MIEF2: variants seen among roughly 807,000 people sequenced by gnomAD.
The protein encoded by MIEF2 is mitochondrial dynamics protein MID49.
A neutral mutation model predicts 7.4 loss-of-function variants in MIEF2; 1 was observed. That is an observed-to-expected ratio of 0.14 (90% confidence interval 0.05 to 0.64). The LOEUF (loss-of-function observed/expected upper bound fraction) is 0.64, where lower values mean the gene tolerates loss of function less well. Ranked by LOEUF, MIEF2 falls within the 30% of genes least tolerant of loss-of-function variation. The probability of loss-of-function intolerance (pLI) is 0.85; values close to 1 mark genes in which losing one functional copy is unlikely to be tolerated. For missense variants in MIEF2, 569 were observed against 623.9 expected (o/e 0.91, Z 0.94); for synonymous variants, 275 against 290.5 (o/e 0.95, Z 0.54).
chr17:18,264,371 G>C lies in MIEF2; in HGVS notation c.972G>C (p.Gly324=), dbSNP rs1291633175. The C allele has an allele frequency of 6.2e-7, 1 of 1,603,088 alleles. No individual in the cohort carries two copies. Among genetic ancestry groups the C allele is most frequent in the Non-Finnish European group, 8.5e-7 (1 of 1,179,806 alleles). ...TCCTCTTGGCCTGGCCCCTGGAGGG[G>C]CTGGCGGGGAACCTCTGGCTGCAGG... ...DRLLLAWPLE[G]LAGNLWLQDL... is the part of the protein sequence containing the mutation. The change falls in exon 4 of 4, where the codon GGG becomes GGC. Residue 324 remains glycine (G), a synonymous_variant. Transcript: ENST00000323019.
chr17:18,263,747 G>T lies in MIEF2; in HGVS notation c.348G>T (p.Gln116His). ...PAETDPEVTP[Q>H]LSSPAPLCLT... ...AAACTGATCCTGAGGTGACACCACA[G>T]CTCAGCTCCCCAGCACCGCTGTGTC... The change falls in exon 4 of 4, where the codon CAG (glutamine) becomes CAT (histidine). Residue 116 changes from glutamine (Q) to histidine (H), a missense_variant. Coordinates refer to ENST00000323019, the MANE Select transcript of MIEF2 (RefSeq NM_139162.4). The T allele has an allele frequency of 6.2e-7, 1 of 1,600,090 alleles. No homozygotes were observed.
chr17:18,260,835 C>T (rs1253890459), intron 1 of MIEF2, 98 bp downstream of exon 1: 4 of 450,416 alleles, frequency 8.9e-6, no homozygotes, highest in Non-Finnish European at 1.6e-5. Flanking sequence ...GCGATCACCG[C>T]TGGGGAAGGC....
chr17:18,264,011 G>C lies in MIEF2; in HGVS notation c.612G>C (p.Pro204=). Residue 204 remains proline, a synonymous_variant, in exon 4 of 4, where the codon CCG becomes CCC. Transcript: ENST00000323019. Reference sequence around the variant, plus strand: ...TCCTGGTGCCACTGGTGCTGGAGCCGGGCCTGTGGAGCCTGGTGCCGGGCG... The same window carrying C: ...TCCTGGTGCCACTGGTGCTGGAGCCCGGCCTGTGGAGCCTGGTGCCGGGCG... ...VRLLVPLVLE[P]GLWSLVPGVD... 1.3e-6 allele frequency: 2 copies of C among 1,562,998 alleles called. No homozygotes were observed. The highest frequency in any genetic ancestry group is 1.7e-6 in the Non-Finnish European group (2 of 1,157,386).
chr17:18,263,910 C>T lies in MIEF2; in HGVS notation c.511C>T (p.Leu171=). 6.2e-7 allele frequency: 1 copy of T among 1,601,230 alleles called. No individual in the cohort carries two copies. The change falls in exon 4 of 4, where the codon CTG becomes TTG. Residue 171 remains leucine (L), a synonymous_variant. Coordinates refer to ENST00000323019, the MANE Select transcript of MIEF2 (RefSeq NM_139162.4). ...CTACTTTCGGAGCAAGTTCCCGGAA[C>T]TGCCCTTTGGGGCATTCGTGCCTGG... The part of the protein sequence containing the change: ...QAYFRSKFPE[L]PFGAFVPGGP...
At chr17:18,262,173 C>G (rs1453899152) in intron 1 of MIEF2, among the ~76,000 whole-genome samples, 2 of 152,174 alleles carry the variant, frequency 1.3e-5, no homozygotes, top group African/African-American at 4.8e-5. Context: ...GGGCACCTGG[C>G]ACAGGGAGAA....
At chr17:18,261,647 C>A (rs1042228583) in intron 1 of MIEF2, among the ~76,000 whole-genome samples, 9 of 152,220 alleles carry the variant, frequency 5.9e-5, no homozygotes, top group African/African-American at 2.2e-4. Flanking sequence ...GCCTCCACTT[C>A]CCAAGTGCTG....
intron 2 of MIEF2, 37 bp downstream of exon 2, chr17:18,262,904 AGAG>A (rs1978493173): frequency 2.0e-6 from 3 of 1,527,804 alleles, no homozygotes; most frequent in Admixed American, 2.1e-5. Flanking sequence ...TGAAGCTCCT[AGAG>A]GAGGACAACA....
Position 18,264,836 on chromosome 17 carries a change from G to C in MIEF2, c.*72G>C. 1 of 1,522,524 alleles carries C rather than the reference G, an allele frequency of 6.6e-7. No individual in the cohort carries two copies. Among genetic ancestry groups the C allele is most frequent in the Non-Finnish European group, 8.8e-7 (1 of 1,135,938 alleles). 94.3% of individuals were successfully genotyped at this position (1,522,524 alleles called of 1,614,324 possible). ...GCACCCACCTCCCTTCCAGGGATTT[G>C]AATAGTGGTTTTTCTCTAGCTTTTT... On this transcript the variant is annotated 3_prime_UTR_variant, in exon 4 of 4. Coordinates refer to ENST00000323019, the MANE Select transcript of MIEF2 (RefSeq NM_139162.4).
intron 3 of MIEF2, 152 bp from the exon 4 acceptor site, chr17:18,263,558 C>G: frequency 3.7e-6 from 4 of 1,093,178 alleles, no homozygotes; most frequent in Non-Finnish European, 5.1e-6. Flanking sequence ...CAAGAGCTCA[C>G]TATATGTGAG....
Position 18,264,582 on chromosome 17 carries a change from G to A in MIEF2, c.1183G>A (p.Glu395Lys). 1 of 1,610,958 alleles carries A rather than the reference G, an allele frequency of 6.2e-7. No individual in the cohort carries two copies. Among genetic ancestry groups the A allele is most frequent in the Admixed American group, 1.7e-5 (1 of 60,026 alleles). ...GGAGGACAACGTGGATTGGACGGAGGAGGCCTTGGGTGAGCGCTTCCTGCA... is the reference window on the plus strand; with the variant it reads ...GGAGGACAACGTGGATTGGACGGAGAAGGCCTTGGGTGAGCGCTTCCTGCA... ...LGEDNVDWTE[E>K]ALGERFLQAL... Residue 395 changes from glutamate (E) to lysine (K), a missense_variant, in exon 4 of 4, where the codon GAG becomes AAG. By Grantham distance (56) the Glu-to-Lys change is moderately conservative. Coordinates refer to ENST00000323019, the MANE Select transcript of MIEF2 (RefSeq NM_139162.4).
In MIEF2 at chr17:18,263,127, C is replaced by A; in HGVS notation, c.189C>A (p.Thr63=). Residue 63 remains threonine, a synonymous_variant, in exon 3 of 4, where the codon ACC becomes ACA. Coordinates refer to ENST00000323019, the MANE Select transcript of MIEF2 (RefSeq NM_139162.4). ...CTAGCCCGCGGGATGAGGATGACAC[C>A]AAGGCAGACAGCTGGAAGGAACTGA... ...RATSPRDEDD[T]KADSWKELSL... is the part of the protein sequence containing the mutation. 1.2e-6 allele frequency: 2 copies of A among 1,613,620 alleles called. No homozygotes were observed. Among genetic ancestry groups the A allele is most frequent in the Non-Finnish European group, 1.7e-6 (2 of 1,180,042 alleles).
In MIEF2 at chr17:18,263,158, C is replaced by T. The variant is rs1597938178; in HGVS notation, c.220C>T (p.Leu74Phe). Residue 74 changes from leucine to phenylalanine, a missense_variant, in exon 3 of 4, where the codon CTC (leucine) becomes TTC (phenylalanine). Physicochemically the swap from Leu to Phe is conservative, Grantham distance 22 (BLOSUM62 0). Coordinates refer to ENST00000323019, the MANE Select transcript of MIEF2 (RefSeq NM_139162.4). ...AGACAGCTGGAAGGAACTGAGCCTG[C>T]TCAAGGCCACACCACACCTGCAGCC... is the stretch of plus-strand genomic sequence containing the variant. ...KADSWKELSLLKATPHLQPRP... is the reference protein window; with the variant it reads ...KADSWKELSLFKATPHLQPRP... 6.2e-7 allele frequency: 1 copy of T among 1,613,650 alleles called. No individual in the cohort carries two copies. The highest frequency in any genetic ancestry group is 8.5e-7 in the Non-Finnish European group (1 of 1,180,044).
At chr17:18,263,398 C>A in intron 3 of MIEF2, 150 bp downstream of exon 3, 1 of 1,166,190 alleles carries the variant, frequency 8.6e-7, no homozygotes, top group Non-Finnish European at 1.3e-6. Flanking sequence ...TGTTTCTTTG[C>A]CCTGTTCCTG....
At chr17:18,260,971 C>T (rs1978380499) in intron 1 of MIEF2, 19 of 796,928 alleles carry the variant, frequency 2.4e-5, no homozygotes, top group Non-Finnish European at 2.5e-5. Context: ...GCTGCGCGGC[C>T]TGCTCCGCCC....
rs1382847238 is a variant in MIEF2 at position 18,264,736 on chromosome 17, G to T, written c.1337G>T (p.Gly446Val). 1 of 1,608,618 alleles carries T rather than the reference G, an allele frequency of 6.2e-7. No homozygotes were observed. The highest frequency in any genetic ancestry group is 8.5e-7 in the Non-Finnish European group (1 of 1,176,634). ...IDDIGYALYS[G>V]LQEPEGLL ...GACATTGGCTATGCGCTATACAGTG[G>T]CCTACAGGAGCCCGAGGGGCTGCTC... Residue 446 changes from glycine to valine, a missense_variant, in exon 4 of 4, where the codon GGC becomes GTC. Transcript: ENST00000323019.
rs1978649279 is a variant in MIEF2, at chr17:18,264,695, TGAG to T, written c.1303_1305del (p.Glu435del). ...GCGTGAACCTCTTCAGCAGCTTGCG[TGAG>T]GAGGAGATTGACGACATTGGCTATG... On this transcript the variant is annotated inframe_deletion, in exon 4 of 4. Transcript: ENST00000323019. 2 of 1,612,504 alleles carry T rather than the reference TGAG, an allele frequency of 1.2e-6. No homozygotes were observed. The highest frequency in any genetic ancestry group is 1.7e-6 in the Non-Finnish European group (2 of 1,179,936).
chr17:18,262,688 C>T, intron 1 of MIEF2, 26 bp from the exon 2 acceptor site: 1 of 1,558,644 alleles, frequency 6.4e-7, no homozygotes, highest in Non-Finnish European at 8.7e-7. Flanking sequence ...ACCTGAGCTG[C>T]CCCTTCACCC....
chr17:18,264,163 T>C lies in MIEF2; in HGVS notation c.764T>C (p.Leu255Pro). 6.3e-7 allele frequency: 1 copy of C among 1,584,342 alleles called. No individual in the cohort carries two copies. The change falls in exon 4 of 4, where the codon CTG (leucine) becomes CCG (proline). Residue 255 changes from leucine (L) to proline (P), a missense_variant. Leu to Pro is a moderately conservative substitution (Grantham distance 98). Transcript: ENST00000323019. Reference protein sequence around the residue: ...VGGYLSSRVLLELLRKALAAS... With the variant: ...VGGYLSSRVLPELLRKALAAS... ...GGCTACCTCTCCTCCCGCGTCCTGCTGGAGCTACTCCGCAAGGCGCTGGCT... is the reference window on the plus strand; with the variant it reads ...GGCTACCTCTCCTCCCGCGTCCTGCCGGAGCTACTCCGCAAGGCGCTGGCT...
rs776379755 is a variant in MIEF2, at chr17:18,264,430, C to T, written c.1031C>T (p.Ala344Val). ...LYPVEAARLR[A>V]LDDHDAGTRR... ...CCAGTGGAGGCTGCTAGGCTGCGAG[C>T]CCTGGACGACCATGACGCTGGGACT... The change falls in exon 4 of 4, where the codon GCC becomes GTC. Residue 344 changes from alanine (A) to valine (V), a missense_variant. Coordinates refer to ENST00000323019, the MANE Select transcript of MIEF2 (RefSeq NM_139162.4). The T allele has an allele frequency of 1.2e-6, 2 of 1,601,208 alleles. No homozygotes were observed. Among genetic ancestry groups the T allele is most frequent in the South Asian group, 2.2e-5 (2 of 91,078 alleles).
Sources: gnomAD v4.1 joint callset for allele counts (sites outside exome capture counted in the v4.1 genomes callset) on GRCh38, gnomAD v4.1.1 for gene constraint, MANE v1.5 for transcripts, NCBI Gene and HGNC (gene_info 2026-07-23, HGNC 2026-07-21) for gene names.